Variants in SLC5A6 observed in about 807,000 individuals in gnomAD.
SLC5A6 encodes the protein solute carrier family 5 member 6, also known as sodium-dependent multivitamin transporter.
In SLC5A6, 31 loss-of-function variants were observed where a neutral mutation model predicts 67.9. That is an observed-to-expected ratio of 0.46 (90% CI 0.34 to 0.62). The LOEUF (loss-of-function observed/expected upper bound fraction) is 0.62. Ranked by LOEUF, SLC5A6 falls within the 20% of genes least tolerant of loss-of-function variation. The pLI, the probability that SLC5A6 is intolerant of heterozygous loss-of-function variation, is 0.01. For synonymous variants in SLC5A6, 343 were observed against 331.0 expected (o/e 1.04, Z -0.39); for missense variants, 673 against 812.8 (o/e 0.83, Z 2.09).
At position 27,212,188 on chromosome 2, in the gene SLC5A6, A is replaced by T. The variant is rs912025923; in HGVS notation, c.-376T>A. ...AGAGGGGGTCGGCCAGTATCCCCGA[A>T]AGAGGGCTAGGGCGCATGAAGACCA... On this transcript the variant is annotated 5_prime_UTR_variant, in exon 1 of 17. Coordinates refer to ENST00000310574, the MANE Select transcript of SLC5A6 (RefSeq NM_021095.4). 1 of 1,543,712 alleles carries T rather than the reference A, an allele frequency of 6.5e-7. No homozygotes were observed. The highest frequency in any genetic ancestry group is 1.4e-5 in the African/African-American group (1 of 72,336).
In SLC5A6 at chr2:27,201,181, T is replaced by C. The variant is rs1673607912; in HGVS notation, c.1649-68A>G. The C allele has an allele frequency of 2.4e-6, 3 of 1,275,870 alleles. No homozygotes were observed. In the South Asian group the frequency reaches 4.0e-5, roughly 17 times the overall value. 79.0% of individuals were successfully genotyped at this position (1,275,870 alleles called of 1,614,324 possible). A position where few individuals can be genotyped will look rare whatever the true frequency, so the allele number is the denominator to read the frequency against. On this transcript the variant is annotated intron_variant, in intron 15 of 16. Coordinates refer to ENST00000310574, the MANE Select transcript of SLC5A6 (RefSeq NM_021095.4). ...ACAGCAGCGGGCCCCATGTCCTCCC[T>C]TGGCCCCCAGAGACCCCAGCCCCCA...
chr2:27,207,044 T>C lies in SLC5A6; in HGVS notation c.394-102A>G, dbSNP rs1235177741. On this transcript the variant is annotated intron_variant, in intron 3 of 16. Coordinates refer to ENST00000310574, the MANE Select transcript of SLC5A6 (RefSeq NM_021095.4). The surrounding 1 kb of genome is among the most constrained non-coding windows in gnomAD (Gnocchi z 5.5). ...GGAACATGAGGGAATATCCAACCCA[T>C]ACCCACTCTGAGTCCTACTCGGCAT... 5 of 1,111,738 alleles carry C rather than the reference T, an allele frequency of 4.5e-6. No individual in the cohort carries two copies. Among genetic ancestry groups the C allele is most frequent in the Admixed American group, 1.7e-5 (1 of 59,098 alleles). 68.9% of individuals were successfully genotyped at this position (1,111,738 alleles called of 1,614,324 possible).
intron 2 of SLC5A6, among the ~76,000 whole-genome samples, chr2:27,209,146 T>C (rs80183240): frequency 0.012 from 1,867 of 152,266 alleles, 50 homozygotes; most frequent in African/African-American, 0.043. Flanking sequence ...AAGTGACCTT[T>C]CCAAAAGCAC....
intron 5 of SLC5A6, 99 bp downstream of exon 5, chr2:27,206,383 AG>A: frequency 1.8e-6 from 2 of 1,137,758 alleles, no homozygotes; most frequent in Non-Finnish European, 2.6e-6. Flanking sequence ...TCCCCATTCA[AG>A]GTCAGGTTCT....
rs1161271440 is a variant in SLC5A6, at chr2:27,200,991, G to A, written c.1764+7C>T. The A allele has an allele frequency of 6.3e-7, 1 of 1,584,794 alleles. No homozygotes were observed. Among genetic ancestry groups the A allele is most frequent in the Non-Finnish European group, 8.7e-7 (1 of 1,155,138 alleles). On this transcript the variant is annotated splice_region_variant and intron_variant, in intron 16 of 16. Transcript: ENST00000310574. ...CAGGGAGGGGTCACTTGGACAGCAG[G>A]TACTACCTGGCCGTAGCTCCTGCAG...
At position 27,206,263 on chromosome 2, in the gene SLC5A6, T is replaced by C. The variant is rs149037192; in HGVS notation, c.512-170A>G. On this transcript the variant is annotated intron_variant, in intron 5 of 16. Transcript: ENST00000310574. ...TTTGCAGAGCTCCACCAAAAGATAT[T>C]GACTAACCAGTTCAGATAGGGCATG... 116 of 708,556 alleles carry C rather than the reference T, an allele frequency of 1.6e-4. No homozygotes were observed. In the East Asian group the frequency reaches 3.1e-3, roughly 19 times the overall value. 43.9% of individuals were successfully genotyped at this position (708,556 alleles called of 1,614,324 possible).
intron 11 of SLC5A6, 64 bp from the exon 12 acceptor site, chr2:27,202,944 C>G: frequency 6.3e-7 from 1 of 1,594,400 alleles, no homozygotes; most frequent in South Asian, 1.1e-5. Flanking sequence ...TGGGGTAAAG[C>G]AAGGCTCCCT....
At chr2:27,206,643 C>A in intron 4 of SLC5A6, 109 bp from the exon 5 acceptor site, 1 of 1,075,610 alleles carries the variant, frequency 9.3e-7, no homozygotes, top group South Asian at 1.3e-5. Flanking sequence ...CACCTAGGCT[C>A]ACTTCCCTCT....
Position 27,207,362 on chromosome 2 carries a change from T to A in SLC5A6, c.289A>T (p.Thr97Ser). The part of the protein sequence containing the change: ...GVPSEIYRFG[T>S]QYWFLGCCYF... ...CAGCAGCCCAGGAACCAATATTGGG[T>A]CCCAAATCGGTAGATCTCTGACGGC... Residue 97 changes from threonine (T) to serine (S), a missense_variant, in exon 3 of 17, where the codon ACC becomes TCC. By Grantham distance (58) the Thr-to-Ser change is moderately conservative. Transcript: ENST00000310574. This position sits in a 1 kb window ranked among gnomAD's most constrained non-coding sequence, Gnocchi z 5.5. 1.5e-5 allele frequency: 24 copies of A among 1,613,964 alleles called. No homozygotes were observed. The highest frequency in any genetic ancestry group is 1.9e-5 in the Non-Finnish European group (22 of 1,179,984).
At chr2:27,208,462 T>C (rs1291038000) in intron 2 of SLC5A6, 2 of 150,918 alleles carry the variant, frequency 1.3e-5, no homozygotes, top group South Asian at 2.1e-4. Context: ...GATTCAAAAG[T>C]GAGAGGGGAA....
chr2:27,207,790 G>A lies in SLC5A6; in HGVS notation c.-140C>T. 1.3e-6 allele frequency: 1 copy of A among 781,492 alleles called. No homozygotes were observed. Among genetic ancestry groups the A allele is most frequent in the Non-Finnish European group, 2.0e-6 (1 of 496,216 alleles). 48.4% of individuals were successfully genotyped at this position (781,492 alleles called of 1,614,324 possible). On this transcript the variant is annotated splice_region_variant and 5_prime_UTR_variant, in exon 3 of 17. Transcript: ENST00000310574. This position sits in a 1 kb window ranked among gnomAD's most constrained non-coding sequence, Gnocchi z 5.5. Reference sequence around the variant, plus strand: ...CACGGAGTGATACTGTCCAGGGTGAGCTGCAAAGGAATTAGCTCTTAGTGA... The same window carrying A: ...CACGGAGTGATACTGTCCAGGGTGAACTGCAAAGGAATTAGCTCTTAGTGA...
chr2:27,205,644 T>A, intron 6 of SLC5A6, 140 bp from the exon 7 acceptor site: 3 of 1,027,510 alleles, frequency 2.9e-6, no homozygotes, highest in Non-Finnish European at 4.4e-6. Flanking sequence ...GTTTTTAGTT[T>A]CTGTCTCTGG....
At chr2:27,210,698 G>A (rs1490304063) in intron 2 of SLC5A6, among the ~76,000 whole-genome samples, 3 of 151,222 alleles carry the variant, frequency 2.0e-5, no homozygotes, top group Non-Finnish European at 4.4e-5. Flanking sequence ...CTGCCTTGGC[G>A]GATCGGTGGC....
rs751739995 is a variant in SLC5A6 at position 27,201,331 on chromosome 2, C to T, written c.1648+19G>A. The T allele has an allele frequency of 1.7e-5, 26 of 1,541,946 alleles. No individual in the cohort carries two copies. The highest frequency in any genetic ancestry group is 4.5e-5 in the East Asian group (2 of 44,550). ...TTAACCCCTCGGTGCTCATCTGCACCGCAATCCCACACCCTTACCAGTGAG... is the reference window on the plus strand; with the variant it reads ...TTAACCCCTCGGTGCTCATCTGCACTGCAATCCCACACCCTTACCAGTGAG... On this transcript the variant is annotated intron_variant, in intron 15 of 16. Transcript: ENST00000310574.
rs1174729974 is a variant in SLC5A6 at position 27,204,860 on chromosome 2, G to T, written c.806C>A (p.Ser269Tyr). The T allele has an allele frequency of 6.2e-7, 1 of 1,614,000 alleles. No individual in the cohort carries two copies. The highest frequency in any genetic ancestry group is 8.5e-7 in the Non-Finnish European group (1 of 1,179,982). The change falls in exon 8 of 17, where the codon TCC becomes TAC. Residue 269 changes from serine to tyrosine, a missense_variant. Physicochemically the swap from Ser to Tyr is moderately radical, Grantham distance 144 (BLOSUM62 -2). Transcript: ENST00000310574. ...CTGAGCCTGGTTCACCCCGTATAAG[G>T]AGAGCATCATGAAGACACCCCCGAA... is the stretch of plus-strand genomic sequence containing the variant. The part of the protein sequence containing the change: ...LAFGGVFMML[S>Y]LYGVNQAQVQ...
intron 11 of SLC5A6, 74 bp from the exon 12 acceptor site, chr2:27,202,954 T>C (rs889207485): frequency 6.3e-7 from 1 of 1,582,634 alleles, no homozygotes; most frequent in African/African-American, 1.4e-5. Flanking sequence ...CAAGGCTCCC[T>C]GCCCAGCCAA....
At chr2:27,210,972 C>A (rs571779790) in intron 2 of SLC5A6, among the ~76,000 whole-genome samples, 2 of 152,108 alleles carry the variant, frequency 1.3e-5, no homozygotes, top group African/African-American at 2.4e-5. Flanking sequence ...TGCAGTGAGC[C>A]GAGATCGCGC....
At chr2:27,209,480 C>T (rs1674305912) in intron 2 of SLC5A6, among the ~76,000 whole-genome samples, 1 of 152,140 alleles carries the variant, frequency 6.6e-6, no homozygotes, top group Admixed American at 6.5e-5. Context: ...CACAAGAAAA[C>T]TGAGAGATTA....
chr2:27,204,180 G>A (rs993364716), intron 9 of SLC5A6, among the ~76,000 whole-genome samples: 1 of 152,170 alleles, frequency 6.6e-6, no homozygotes, highest in African/African-American at 2.4e-5. Context: ...AGAGGCTTAG[G>A]TGAGACCAGG....
Sources: gnomAD v4.1 joint callset for allele counts (sites outside exome capture counted in the v4.1 genomes callset) on GRCh38, gnomAD v4.1.1 for gene constraint, Gnocchi (gnomAD v3.1) non-coding constraint, MANE v1.5 for transcripts, NCBI Gene and HGNC (gene_info 2026-07-23, HGNC 2026-07-21) for gene names.